Variants in EPB41 observed in about 807,000 individuals in gnomAD.
The protein encoded by EPB41 is erythrocyte membrane protein band 4.1, also known as protein 4.1.
A neutral mutation model predicts 108.0 loss-of-function variants in EPB41; 65 were observed. The observed-to-expected ratio is 0.60, with a 90% CI of 0.49 to 0.74. The LOEUF is 0.74. Among genes scored for constraint, EPB41 ranks in the 30% least tolerant of loss-of-function variants. The pLI is 0.00. For missense variants in EPB41, 875 were observed against 1,037.0 expected (o/e 0.84, Z 2.15); for synonymous variants, 336 against 358.9 (o/e 0.94, Z 0.72).
At chr1:29,046,516 A>G (rs1425973265) in intron 11 of EPB41, among the ~76,000 whole-genome samples, 1 of 152,174 alleles carries the variant, frequency 6.6e-6, no homozygotes, top group African/African-American at 2.4e-5. Flanking sequence ...GAAAATAATG[A>G]TTGTTGTATG....
intron 1 of EPB41, among the ~76,000 whole-genome samples, chr1:28,926,924 T>C (rs529114771): frequency 1.1e-4 from 16 of 152,352 alleles, no homozygotes; most frequent in African/African-American, 1.7e-4. Flanking sequence ...TCCAGACTTA[T>C]ACTGTAACAT....
rs1275314003 is a variant in EPB41, at chr1:29,118,531, G to A, written c.*1719G>A. 6.6e-6 allele frequency: 1 copy of A among 152,272 alleles called. No homozygotes were observed. Among genetic ancestry groups the A allele is most frequent in the Non-Finnish European group, 1.5e-5 (1 of 68,088 alleles). 9.4% of individuals were successfully genotyped at this position (152,272 alleles called of 1,614,324 possible). A position where few individuals can be genotyped will look rare whatever the true frequency, so the allele number is the denominator to read the frequency against. On this transcript the variant is annotated 3_prime_UTR_variant, in exon 21 of 21. Coordinates refer to ENST00000343067, the MANE Select transcript of EPB41 (RefSeq NM_001376013.1). ...TAAAATAGACAGTGGGTATCGGGCA[G>A]CAGTCACTGGGGCTCAAGGGCAGTG...
At chr1:28,965,042 G>A (rs546658151) in intron 1 of EPB41, among the ~76,000 whole-genome samples, 1 of 152,184 alleles carries the variant, frequency 6.6e-6, no homozygotes, top group African/African-American at 2.4e-5. Flanking sequence ...GAGGGTAGAA[G>A]CCACATCTTA....
chr1:28,952,219 TC>T (rs1007960571), intron 1 of EPB41, among the ~76,000 whole-genome samples: 3 of 151,942 alleles, frequency 2.0e-5, no homozygotes, highest in Non-Finnish European at 4.4e-5. Context: ...TTTTTTTTTT[TC>T]TGTCAGTTAT....
intron 17 of EPB41, among the ~76,000 whole-genome samples, chr1:29,103,171 A>ATTTG (rs1666033086): frequency 6.6e-6 from 1 of 152,194 alleles, no homozygotes; most frequent in Non-Finnish European, 1.5e-5. Context: ...GACCTCCCAA[A>ATTTG]GTGCAGGGAT....
intron 1 of EPB41, among the ~76,000 whole-genome samples, chr1:28,967,401 G>A (rs2095386286): frequency 6.6e-6 from 1 of 152,160 alleles, no homozygotes; most frequent in Admixed American, 6.5e-5. Flanking sequence ...TTTGGAATCT[G>A]TTTGGGAGAG....
intron 16 of EPB41, among the ~76,000 whole-genome samples, chr1:29,067,094 C>G (rs1648395864): frequency 6.6e-6 from 1 of 151,600 alleles, no homozygotes; most frequent in South Asian, 2.1e-4. Context: ...GTGGCTCACA[C>G]CTATAGTCCT....
At chr1:29,100,724 T>C (rs1383699341) in intron 17 of EPB41, among the ~76,000 whole-genome samples, 2 of 146,972 alleles carry the variant, frequency 1.4e-5, no homozygotes, top group Admixed American at 6.9e-5. Flanking sequence ...ATAATTATAT[T>C]AAATATGTAA....
At chr1:28,969,880 G>A (rs1188682611) in intron 1 of EPB41, among the ~76,000 whole-genome samples, 1 of 152,138 alleles carries the variant, frequency 6.6e-6, no homozygotes, top group Admixed American at 6.5e-5. Flanking sequence ...CAGCCTGGGC[G>A]ACAGAGCGAG....
intron 7 of EPB41, among the ~76,000 whole-genome samples, chr1:29,025,301 C>T (rs1361009519): frequency 2.6e-5 from 4 of 151,952 alleles, no homozygotes; most frequent in Admixed American, 6.6e-5. Flanking sequence ...TGGAACACAC[C>T]GAATAGCTCT....
intron 5 of EPB41, among the ~76,000 whole-genome samples, chr1:29,015,471 C>T (rs1228397609): frequency 2.0e-5 from 3 of 151,824 alleles, no homozygotes; most frequent in South Asian, 2.1e-4. Flanking sequence ...ACAGAAGAAT[C>T]GCTTGAACCT....
chr1:29,097,545 A>G lies in EPB41; in HGVS notation c.2185-262A>G, dbSNP rs546463223. 11 of 501,762 alleles carry G rather than the reference A, an allele frequency of 2.2e-5. No homozygotes were observed. The East Asian group carries it at 3.4e-4, about 15-fold the overall frequency. The allele number at this position is 501,762 out of a possible 1,614,324, so 31.1% of individuals were successfully genotyped here. ...TCTGAAGTGTTTTATATCACCAATC[A>G]TAACTGTCTGCTCTTACAGCTTTCC... On this transcript the variant is annotated intron_variant, in intron 16 of 20. Transcript: ENST00000343067.
chr1:29,049,882 A>G (rs991377012), intron 11 of EPB41, among the ~76,000 whole-genome samples: 1 of 152,190 alleles, frequency 6.6e-6, no homozygotes, highest in Non-Finnish European at 1.5e-5. Flanking sequence ...TAACAGCTGA[A>G]TTAATAAAAC....
intron 1 of EPB41, among the ~76,000 whole-genome samples, chr1:28,948,949 C>CA (rs1228013526): frequency 1.3e-5 from 2 of 151,870 alleles, no homozygotes; most frequent in East Asian, 1.9e-4. Context: ...GACTCCATCT[C>CA]AAAAAAAGAA....
At chr1:29,011,780 G>A (rs904024512) in intron 4 of EPB41, 85 bp from the exon 5 acceptor site, 1 of 1,414,638 alleles carries the variant, frequency 7.1e-7, no homozygotes, top group African/African-American at 1.4e-5. Context: ...GGCACTATTT[G>A]AAGATAGTCA....
rs545430370 is a variant in EPB41, at chr1:28,931,386, A to C, written c.-8+16618A>C. Among the ~76,000 whole-genome samples, 616 of 151,704 alleles carry C rather than the reference A, an allele frequency of 4.1e-3. 8 individuals are homozygous for C. Among genetic ancestry groups the C allele is most frequent in the African/African-American group, 0.014 (575 of 41,356 alleles). ...GACTCTGTCATTAAAAAAAAAAAAA[A>C]AAAAGGCTGAAAAATAGCACAAATA... On this transcript the variant is annotated intron_variant, in intron 1 of 20. Coordinates refer to ENST00000343067, the MANE Select transcript of EPB41 (RefSeq NM_001376013.1).
intron 1 of EPB41, among the ~76,000 whole-genome samples, chr1:28,921,426 C>T (rs2093058990): frequency 6.6e-6 from 1 of 152,070 alleles, no homozygotes; most frequent in South Asian, 2.1e-4. Flanking sequence ...TCCCCCTTCC[C>T]TCCCCAGTTT....
At chr1:29,003,042 C>T (rs929543832) in intron 4 of EPB41, among the ~76,000 whole-genome samples, 4 of 152,106 alleles carry the variant, frequency 2.6e-5, no homozygotes, top group African/African-American at 7.2e-5. Context: ...TTTGTTTGGC[C>T]TGATCTGTTG....
intron 1 of EPB41, chr1:28,893,813 G>A (rs1205119146): frequency 6.6e-6 from 1 of 152,424 alleles, no homozygotes; most frequent in East Asian, 1.9e-4. Flanking sequence ...TGGACTGGCT[G>A]CGTGACCCCG....
Sources: allele counts gnomAD v4.1 joint callset (sites outside exome capture counted in the v4.1 genomes callset), GRCh38; gene constraint gnomAD v4.1.1; transcripts MANE v1.5; gene names NCBI Gene and HGNC (gene_info 2026-07-23, HGNC 2026-07-21).